Variants in ARK2C observed in about 807,000 individuals in gnomAD.
ARK2C encodes the protein E3 ubiquitin-protein ligase ARK2C.
chr18:46,379,303 C>T, the ARK2C span, among the ~76,000 whole-genome samples: 1 of 152,224 alleles, frequency 6.6e-6, no homozygotes, highest in African/African-American at 2.4e-5. Flanking sequence ...CTTTGACAAA[C>T]ACAAAACCCT....
chr18:46,449,279 T>C, the ARK2C span, among the ~76,000 whole-genome samples: 1 of 152,194 alleles, frequency 6.6e-6, no homozygotes, highest in Non-Finnish European at 1.5e-5. Flanking sequence ...AGGCAGGCCA[T>C]GCCAGAACAG....
chr18:46,418,734 A>G, the ARK2C span, among the ~76,000 whole-genome samples: 4 of 152,234 alleles, frequency 2.6e-5, no homozygotes, highest in Admixed American at 2.0e-4. Context: ...AATTATGTGG[A>G]AAGATAGTTA....
chr18:46,355,482 A>G, the ARK2C span, among the ~76,000 whole-genome samples: 1 of 152,174 alleles, frequency 6.6e-6, no homozygotes, highest in Non-Finnish European at 1.5e-5. Context: ...CTTGGAAAGG[A>G]CAGAAGTGCC....
chr18:46,349,296 G>A, the ARK2C span, among the ~76,000 whole-genome samples: 7 of 152,106 alleles, frequency 4.6e-5, no homozygotes, highest in African/African-American at 7.2e-5. Context: ...GGTTTGTTGC[G>A]GGTGAGGGTC....
the ARK2C span, among the ~76,000 whole-genome samples, chr18:46,444,830 A>G: frequency 6.6e-6 from 1 of 152,072 alleles, no homozygotes; most frequent in Non-Finnish European, 1.5e-5. Context: ...CTTTTGTAGT[A>G]TCTAATTTAC....
the ARK2C span, among the ~76,000 whole-genome samples, chr18:46,402,622 C>T: frequency 6.6e-6 from 1 of 152,168 alleles, no homozygotes. Context: ...CATCAGCAAC[C>T]TCCCAAGTTG....
chr18:46,447,843 T>G, the ARK2C span: 1 of 878,802 alleles, frequency 1.1e-6, no homozygotes, highest in Non-Finnish European at 1.9e-6. Flanking sequence ...CCAGCTCACC[T>G]GTGTATCAAT....
the ARK2C span, among the ~76,000 whole-genome samples, chr18:46,411,953 G>A: frequency 1.3e-5 from 2 of 152,256 alleles, no homozygotes; most frequent in African/African-American, 2.4e-5. Flanking sequence ...TGGGGTCGAT[G>A]ATGCCAGGCT....
At chr18:46,431,307 G>A in the ARK2C span, among the ~76,000 whole-genome samples, 3 of 152,266 alleles carry the variant, frequency 2.0e-5, no homozygotes, top group African/African-American at 7.2e-5. Flanking sequence ...TAGGCTCTCT[G>A]TTCATGCCAA....
chr18:46,382,611 G>A, the ARK2C span, among the ~76,000 whole-genome samples: 11 of 152,166 alleles, frequency 7.2e-5, no homozygotes, highest in Non-Finnish European at 4.4e-5. Flanking sequence ...AGCCTTGCAT[G>A]ACTTAAGTTT....
the ARK2C span, among the ~76,000 whole-genome samples, chr18:46,427,364 G>A: frequency 1.4e-4 from 21 of 152,230 alleles, 1 homozygote; most frequent in East Asian, 4.1e-3. Context: ...GGCTGGGGCG[G>A]TTGGTGCTCC....
chr18:46,447,746 G>A, the ARK2C span: 1 of 1,608,896 alleles, frequency 6.2e-7, no homozygotes, highest in Non-Finnish European at 8.5e-7. Flanking sequence ...GTGGTGGTCT[G>A]AGGCCTGCGG....
At chr18:46,416,198 A>C in the ARK2C span, among the ~76,000 whole-genome samples, 4 of 152,352 alleles carry the variant, frequency 2.6e-5, no homozygotes, top group East Asian at 7.7e-4. Flanking sequence ...AAACACACGG[A>C]TCTGCAGGAA....
At chr18:46,406,805 C>G in the ARK2C span, among the ~76,000 whole-genome samples, 5 of 152,190 alleles carry the variant, frequency 3.3e-5, no homozygotes, top group Non-Finnish European at 5.9e-5. Flanking sequence ...GCCTCCTTGG[C>G]GTTGGGCCTG....
the ARK2C span, among the ~76,000 whole-genome samples, chr18:46,442,728 T>C: frequency 6.6e-6 from 1 of 152,216 alleles, no homozygotes; most frequent in African/African-American, 2.4e-5. Flanking sequence ...CATGAATTAT[T>C]CCATGAATTA....
At chr18:46,436,947 G>A in the ARK2C span, among the ~76,000 whole-genome samples, 1 of 152,206 alleles carries the variant, frequency 6.6e-6, no homozygotes, top group South Asian at 2.1e-4. Flanking sequence ...CAGGGAAGTG[G>A]GACTGAACAG....
At chr18:46,351,192 G>A in the ARK2C span, among the ~76,000 whole-genome samples, 2 of 152,272 alleles carry the variant, frequency 1.3e-5, no homozygotes, top group South Asian at 2.1e-4. Context: ...CACTGGAGTC[G>A]ACACTAAATT....
chr18:46,433,304 A>C, the ARK2C span: 8 of 1,611,616 alleles, frequency 5.0e-6, no homozygotes, highest in East Asian at 1.8e-4. Flanking sequence ...CACCCCGTGC[A>C]GTCGCAGCCA....
the ARK2C span, among the ~76,000 whole-genome samples, chr18:46,350,720 C>G: frequency 6.6e-6 from 1 of 152,170 alleles, no homozygotes; most frequent in Admixed American, 6.5e-5. Context: ...AGCTGTCACA[C>G]TGGGGGAATG....
Sources: allele counts gnomAD v4.1 joint callset (sites outside exome capture counted in the v4.1 genomes callset), GRCh38; gene constraint gnomAD v4.1.1; transcripts MANE v1.5; gene names NCBI Gene and HGNC (gene_info 2026-07-23, HGNC 2026-07-21).